Variants in HS3ST5 observed in about 807,000 individuals in gnomAD.
HS3ST5 encodes heparan sulfate-glucosamine 3-sulfotransferase 5, also known as heparan sulfate glucosamine 3-O-sulfotransferase 5.
Under a neutral mutation model 25.4 loss-of-function variants are expected in HS3ST5, and 10 were observed. The ratio of observed to expected loss-of-function variants is 0.39; its 90% CI spans 0.24 to 0.67. The LOEUF (loss-of-function observed/expected upper bound fraction) is 0.67, where lower values mean the gene tolerates loss of function less well. Among genes scored for constraint, HS3ST5 ranks in the 30% least tolerant of loss-of-function variants. HS3ST5 has a pLI of 0.44. For synonymous variants in HS3ST5, 170 were observed against 162.4 expected (o/e 1.05, Z -0.36); for missense variants, 324 against 420.7 (o/e 0.77, Z 2.01).
chr6:114,128,608 G>C (rs1461331585), intron 3 of HS3ST5, among the ~76,000 whole-genome samples: 1 of 152,186 alleles, frequency 6.6e-6, no homozygotes, highest in Non-Finnish European at 1.5e-5. Context: ...GCACACATTA[G>C]TCTAAGAGAT....
At chr6:114,133,546 A>G (rs1777451872) in intron 3 of HS3ST5, among the ~76,000 whole-genome samples, 1 of 152,200 alleles carries the variant, frequency 6.6e-6, no homozygotes, top group East Asian at 1.9e-4. Context: ...TTAGGCTAAG[A>G]GGAGGGGACT....
intron 3 of HS3ST5, among the ~76,000 whole-genome samples, chr6:114,127,340 G>A (rs999548881): frequency 6.6e-6 from 1 of 152,150 alleles, no homozygotes; most frequent in African/African-American, 2.4e-5. Context: ...ATGAAAATGA[G>A]TACTTGAGTA....
At chr6:114,130,239 C>T (rs907380620) in intron 3 of HS3ST5, among the ~76,000 whole-genome samples, 1 of 152,176 alleles carries the variant, frequency 6.6e-6, no homozygotes, top group Non-Finnish European at 1.5e-5. Flanking sequence ...CAGCACCTCC[C>T]TTATCAAGCA....
chr6:114,116,363 T>C (rs1776528186), intron 3 of HS3ST5, among the ~76,000 whole-genome samples: 1 of 152,100 alleles, frequency 6.6e-6, no homozygotes, highest in East Asian at 1.9e-4. Context: ...AATGCCAGCC[T>C]AAGAATTAGG....
At chr6:114,161,222 G>A (rs1020133151) in intron 3 of HS3ST5, among the ~76,000 whole-genome samples, 2 of 151,390 alleles carry the variant, frequency 1.3e-5, no homozygotes, top group Admixed American at 6.6e-5. Flanking sequence ...ATTGGTCCTC[G>A]GGTTTCTCAT....
At chr6:114,178,177 C>A (rs759781737) in intron 2 of HS3ST5, among the ~76,000 whole-genome samples, 1 of 152,102 alleles carries the variant, frequency 6.6e-6, no homozygotes, top group Non-Finnish European at 1.5e-5. Flanking sequence ...AAGGTTACCC[C>A]AAAATAATAC....
intron 1 of HS3ST5, among the ~76,000 whole-genome samples, chr6:114,312,918 G>T (rs754945306): frequency 6.7e-6 from 1 of 149,986 alleles, no homozygotes; most frequent in Admixed American, 6.7e-5. Flanking sequence ...TAGTTACTAG[G>T]GAGGCTGAGG....
intron 3 of HS3ST5, among the ~76,000 whole-genome samples, chr6:114,158,324 A>G (rs756199030): frequency 1.1e-4 from 17 of 152,262 alleles, no homozygotes; most frequent in Non-Finnish European, 2.4e-4. Flanking sequence ...CTGTCTATGC[A>G]TAAATTATGA....
At chr6:114,292,806 C>A (rs768890268) in intron 1 of HS3ST5, among the ~76,000 whole-genome samples, 3 of 152,120 alleles carry the variant, frequency 2.0e-5, no homozygotes, top group Non-Finnish European at 4.4e-5. Flanking sequence ...TATAACCTAC[C>A]AATATCCTCC....
chr6:114,312,815 A>G (rs1412728488), intron 1 of HS3ST5, among the ~76,000 whole-genome samples: 1 of 151,954 alleles, frequency 6.6e-6, no homozygotes, highest in Non-Finnish European at 1.5e-5. Flanking sequence ...AGATCACTCG[A>G]GGCCAGGAGA....
chr6:114,316,792 C>T (rs1435784842), intron 1 of HS3ST5, among the ~76,000 whole-genome samples: 1 of 152,080 alleles, frequency 6.6e-6, no homozygotes, highest in African/African-American at 2.4e-5. Flanking sequence ...ATTTTAAGGG[C>T]AACAACAATT....
At chr6:114,210,482 T>C (rs1205163389) in intron 2 of HS3ST5, among the ~76,000 whole-genome samples, 1 of 152,166 alleles carries the variant, frequency 6.6e-6, no homozygotes, top group African/African-American at 2.4e-5. Flanking sequence ...TAATATGAAC[T>C]GGATTAACAG....
At chr6:114,215,346 C>T (rs1277385154) in intron 2 of HS3ST5, among the ~76,000 whole-genome samples, 2 of 152,020 alleles carry the variant, frequency 1.3e-5, no homozygotes, top group African/African-American at 4.8e-5. Flanking sequence ...CAACAAAAAA[C>T]TCAGGACAGA....
intron 2 of HS3ST5, among the ~76,000 whole-genome samples, chr6:114,181,231 CTCTT>C (rs1779955318): frequency 6.6e-6 from 1 of 152,162 alleles, no homozygotes; most frequent in African/African-American, 2.4e-5. Context: ...AATCCGATCC[CTCTT>C]TCTATCTGTG....
At chr6:114,248,339 A>T (rs1340001262) in intron 1 of HS3ST5, among the ~76,000 whole-genome samples, 1 of 151,518 alleles carries the variant, frequency 6.6e-6, no homozygotes, top group Non-Finnish European at 1.5e-5. Context: ...AGAACAACTA[A>T]TCTTTGTTTA....
chr6:114,317,802 C>CGGGGGGGG (rs35127490), intron 1 of HS3ST5, among the ~76,000 whole-genome samples: 5 of 68,596 alleles, frequency 7.3e-5, no homozygotes, highest in Non-Finnish European at 1.1e-4. Context: ...AGGCGGGGGG[C>CGGGGGGGG]GGGGGGGTAG....
intron 1 of HS3ST5, among the ~76,000 whole-genome samples, chr6:114,340,313 T>C (rs1461795932): frequency 6.6e-6 from 1 of 152,248 alleles, no homozygotes; most frequent in East Asian, 1.9e-4. Flanking sequence ...TTTGCTTACA[T>C]ACCTATTTGA....
chr6:114,072,708 C>CCATACTG (rs951448680), intron 3 of HS3ST5, among the ~76,000 whole-genome samples: 1 of 152,124 alleles, frequency 6.6e-6, no homozygotes, highest in African/African-American at 2.4e-5. Flanking sequence ...GTGAAAATGG[C>CCATACTG]CATACTGCCC....
At chr6:114,200,040 G>C (rs539047108) in intron 2 of HS3ST5, among the ~76,000 whole-genome samples, 1 of 152,256 alleles carries the variant, frequency 6.6e-6, no homozygotes, top group South Asian at 2.1e-4. Flanking sequence ...GACCAACATA[G>C]TGAAACCCCA....
Sources: gnomAD v4.1 joint callset for allele counts (sites outside exome capture counted in the v4.1 genomes callset) on GRCh38, gnomAD v4.1.1 for gene constraint, MANE v1.5 for transcripts, NCBI Gene and HGNC (gene_info 2026-07-23, HGNC 2026-07-21) for gene names.